Variants in HLA-F observed in about 807,000 individuals in gnomAD.
HLA-F encodes major histocompatibility complex, class I, F.
HLA-F carries 46 observed loss-of-function variants against 49.5 expected under a neutral mutation model. The ratio of observed to expected loss-of-function variants is 0.93; its 90% CI spans 0.73 to 1.19. The LOEUF is 1.19. Ranked by LOEUF, HLA-F falls within the 50% of genes most tolerant of loss-of-function variation. HLA-F has a pLI of 0.00. For synonymous variants in HLA-F, 203 were observed against 233.5 expected (o/e 0.87, Z 1.19); for missense variants, 496 against 579.6 (o/e 0.86, Z 1.48).
At position 29,727,151 on chromosome 6, in the gene HLA-F, G is replaced by C. The variant is rs1376393181; in HGVS notation, c.1305G>C (p.Arg435Ser). Residue 435 changes from arginine to serine, a missense_variant, in exon 7 of 7, where the codon AGG becomes AGC. Transcript: ENST00000259951. ...GTTCTTGGCACCATCTTATGAAAAG[G>C]GTCCAGATTAAGATTTTTGACTGAG... ...LLRSWHHLMK[R>S]VQIKIFD The C allele has an allele frequency of 6.3e-6, 10 of 1,594,566 alleles. No individual in the cohort carries two copies. The highest frequency in any genetic ancestry group is 2.3e-5 in the South Asian group (2 of 87,746).
In HLA-F at chr6:29,726,941, G is replaced by A; in HGVS notation, c.1095G>A (p.Leu365=). 1 of 1,610,644 alleles carries A rather than the reference G, an allele frequency of 6.2e-7. No homozygotes were observed. The highest frequency in any genetic ancestry group is 8.5e-7 in the Non-Finnish European group (1 of 1,179,730). Residue 365 remains leucine, a synonymous_variant, in exon 7 of 7, where the codon CTG becomes CTA. Transcript: ENST00000259951. The stretch of plus-strand genomic sequence containing the variant: ...CATGGTGGTCAAGCTTATTTCTCCT[G>A]GGGGTGCTCTTCCAAGGATATTTGG... ...MITWWSSLFL[L]GVLFQGYLGC...
At chr6:29,727,875 C>A, downstream of HLA-F, 1 of 487,314 alleles carries the variant, frequency 2.1e-6, no homozygotes, top group South Asian at 1.5e-5. Context: ...CAGGCCAGGC[C>A]CCTCCAGACC....
chr6:29,735,552 T>C (rs1430220947), intron 3 of HLA-F: 2 of 151,874 alleles, frequency 1.3e-5, no homozygotes, highest in Non-Finnish European at 1.5e-5. Context: ...CCATTGAACC[T>C]GAAAAGTTCC....
chr6:29,730,681 C>T (rs1252588531), downstream of HLA-F, among the ~76,000 whole-genome samples: 1 of 152,116 alleles, frequency 6.6e-6, no homozygotes, highest in Non-Finnish European at 1.5e-5. Context: ...AGCTGGGCTG[C>T]CTGCTGCCTC....
In HLA-F at chr6:29,727,115, C is replaced by T; in HGVS notation, c.1269C>T (p.Ser423=). The T allele has an allele frequency of 6.2e-7, 1 of 1,610,522 alleles. No homozygotes were observed. Among genetic ancestry groups the T allele is most frequent in the Non-Finnish European group, 8.5e-7 (1 of 1,179,432 alleles). The part of the protein sequence containing the change: ...RFGFGFRRGR[S]FLLRSWHHLM... The stretch of plus-strand genomic sequence containing the variant: ...GCTTCGGCTTTAGGAGGGGCAGGAG[C>T]TTCCTTCTTCGTTCTTGGCACCATC... The change falls in exon 7 of 7, where the codon AGC becomes AGT. Residue 423 remains serine (S), a synonymous_variant. Coordinates refer to ENST00000259951, the MANE Select transcript of HLA-F (RefSeq NM_001098479.2).
At chr6:29,733,100 A>G (rs1020921130) in intron 3 of HLA-F, among the ~76,000 whole-genome samples, 2 of 152,172 alleles carry the variant, frequency 1.3e-5, no homozygotes, top group African/African-American at 4.8e-5. Context: ...GAGGCATGGA[A>G]ATCACTTGAA....
intron 1 of HLA-F, 54 bp downstream of exon 1, chr6:29,723,581 G>T: frequency 6.3e-7 from 1 of 1,596,952 alleles, no homozygotes; most frequent in South Asian, 1.1e-5. Context: ...TGAGGGGCCC[G>T]CCCGGTGGGG....
At chr6:29,729,563 G>T (rs1455670551), downstream of HLA-F, among the ~76,000 whole-genome samples, 1 of 152,194 alleles carries the variant, frequency 6.6e-6, no homozygotes, top group Non-Finnish European at 1.5e-5. Flanking sequence ...AAACATTGAA[G>T]AAAATCTTAG....
At chr6:29,725,792 A>C (rs904803459) in intron 5 of HLA-F, among the ~76,000 whole-genome samples, 3 of 152,240 alleles carry the variant, frequency 2.0e-5, no homozygotes, top group African/African-American at 7.2e-5. Flanking sequence ...TGATCCCAGC[A>C]GTCACAAATC....
At chr6:29,729,842 A>G (rs1013258383), downstream of HLA-F, among the ~76,000 whole-genome samples, 7 of 152,220 alleles carry the variant, frequency 4.6e-5, no homozygotes. Context: ...AACAACATGA[A>G]TAGACAATTC....
rs1409809684 is a variant in HLA-F at position 29,723,725 on chromosome 6, C to A, written c.132C>A (p.Ile44=). 6.2e-7 allele frequency: 1 copy of A among 1,611,954 alleles called. No homozygotes were observed. The highest frequency in any genetic ancestry group is 8.5e-7 in the Non-Finnish European group (1 of 1,179,882). The change falls in exon 2 of 7, where the codon ATC becomes ATA. Residue 44 remains isoleucine, a synonymous_variant. Transcript: ENST00000259951. The part of the protein sequence containing the change: ...SRPGRGEPRY[I]AVEYVDDTQF... ...CCGGCCGCGGGGAGCCCCGCTACAT[C>A]GCCGTGGAGTACGTAGACGACACGC...
intron 3 of HLA-F, among the ~76,000 whole-genome samples, chr6:29,734,733 G>T (rs2523395): frequency 8.6e-5 from 13 of 151,830 alleles, no homozygotes; most frequent in African/African-American, 3.1e-4. Flanking sequence ...TAGTAGGTTC[G>T]CAATGTTATG....
At chr6:29,724,021 C>T in intron 2 of HLA-F, 94 bp downstream of exon 2, 1 of 1,548,236 alleles carries the variant, frequency 6.5e-7, no homozygotes, top group Non-Finnish European at 8.7e-7. Context: ...CGAAATCTAC[C>T]CCGAGGCAGC....
chr6:29,723,886 C>T lies in HLA-F; in HGVS notation c.293C>T (p.Ala98Val). 1 of 1,589,890 alleles carries T rather than the reference C, an allele frequency of 6.3e-7. No individual in the cohort carries two copies. The highest frequency in any genetic ancestry group is 8.6e-7 in the Non-Finnish European group (1 of 1,168,614). The change falls in exon 2 of 7, where the codon GCC becomes GTC. Residue 98 changes from alanine (A) to valine (V), a missense_variant. Physicochemically the swap from Ala to Val is moderately conservative, Grantham distance 64. Transcript: ENST00000259951. ...GCCAACGCACAGACTGACCGAGTGG[C>T]CCTGAGGAACCTGCTCCGCCGCTAC... is the stretch of plus-strand genomic sequence containing the variant. ...AKANAQTDRV[A>V]LRNLLRRYNQ... is the part of the protein sequence containing the mutation.
At chr6:29,732,191 ACTT>A (rs571442720), downstream of HLA-F, among the ~76,000 whole-genome samples, 24 of 151,872 alleles carry the variant, frequency 1.6e-4, no homozygotes, top group South Asian at 3.3e-3. Flanking sequence ...CTGGTCTTGA[ACTT>A]CTGGGCTCAG....
At chr6:29,737,542 G>T (rs1023742912) in intron 3 of HLA-F, among the ~76,000 whole-genome samples, 2 of 152,120 alleles carry the variant, frequency 1.3e-5, no homozygotes, top group Non-Finnish European at 2.9e-5. Flanking sequence ...ATTGAGCTGG[G>T]GCAGTTGATG....
chr6:29,736,782 G>A lies in HLA-F; in HGVS notation c.404-1340G>A, dbSNP rs186086337. On this transcript the variant is annotated intron_variant, in intron 3 of 4. Coordinates refer to the HLA-F transcript ENST00000465459. Reference sequence around the variant, plus strand: ...ACTATCACTCCCGTGGCAGTCAGGTGCTCAGCTTTATAAATAGCTCACACT... The same window carrying A: ...ACTATCACTCCCGTGGCAGTCAGGTACTCAGCTTTATAAATAGCTCACACT... The A allele has an allele frequency of 7.9e-5, 13 of 164,472 alleles. No homozygotes were observed. In the East Asian group the frequency reaches 1.1e-3, roughly 14 times the overall value. The allele number at this position is 164,472 out of a possible 1,614,324, so 10.2% of individuals were successfully genotyped here.
At position 29,727,009 on chromosome 6, in the gene HLA-F, G is replaced by A. The variant is rs184987617; in HGVS notation, c.1163G>A (p.Gly388Asp). The A allele has an allele frequency of 2.5e-6, 4 of 1,613,516 alleles. No individual in the cohort carries two copies. In the Admixed American group the frequency reaches 5.0e-5, roughly 20 times the overall value. Residue 388 changes from glycine to aspartate, a missense_variant, in exon 7 of 7, where the codon GGT (glycine) becomes GAT (aspartate). By Grantham distance (94) the Gly-to-Asp change is moderately conservative (BLOSUM62 -1). Coordinates refer to ENST00000259951, the MANE Select transcript of HLA-F (RefSeq NM_001098479.2). ...AGTGTCTTGGGCCGCCGGAAGGTGGGTGACATGTGGATCTTGTTTTTTTTG... is the reference window on the plus strand; with the variant it reads ...AGTGTCTTGGGCCGCCGGAAGGTGGATGACATGTGGATCTTGTTTTTTTTG... ...SHSVLGRRKV[G>D]DMWILFFLWL...
rs1166200063 is a variant in HLA-F, at chr6:29,725,168, G to C, written c.748G>C (p.Glu250Gln). 6.2e-7 allele frequency: 1 copy of C among 1,614,130 alleles called. No homozygotes were observed. Among genetic ancestry groups the C allele is most frequent in the Non-Finnish European group, 8.5e-7 (1 of 1,180,046 alleles). ...TGGGGAGGAACAGACCCAGGACACA[G>C]AGCTTGTGGAGACCAGGCCTGCAGG... ...RDGEEQTQDT[E>Q]LVETRPAGDG... Residue 250 changes from glutamate (E) to glutamine (Q), a missense_variant, in exon 4 of 7, where the codon GAG becomes CAG. Glu to Gln is a conservative substitution (Grantham distance 29). Transcript: ENST00000259951.
Sources: allele counts gnomAD v4.1 joint callset (sites outside exome capture counted in the v4.1 genomes callset), GRCh38; gene constraint gnomAD v4.1.1; transcripts MANE v1.5; gene names NCBI Gene and HGNC (gene_info 2026-07-23, HGNC 2026-07-21).